Variants in C14orf132 observed in about 807,000 individuals in gnomAD.
C14orf132 encodes the protein uncharacterized protein C14orf132.
In C14orf132, 6 loss-of-function variants were observed where a neutral mutation model predicts 5.8. That is an observed-to-expected ratio of 1.03 (90% CI 0.57 to 2.04). C14orf132 has a LOEUF of 2.04. Ranked by LOEUF, C14orf132 falls within the 30% of genes most tolerant of loss-of-function variation. The probability of loss-of-function intolerance (pLI) is 0.00; values close to 1 mark genes in which losing one functional copy is unlikely to be tolerated. For missense variants in C14orf132, 125 were observed against 115.8 expected, an observed-to-expected ratio of 1.08 and a Z score of -0.37; for synonymous variants, 51 against 49.8, an observed-to-expected ratio of 1.02 and a Z score of -0.10.
intron 1 of C14orf132, among the ~76,000 whole-genome samples, chr14:96,075,374 A>G (rs1278976800): frequency 1.3e-5 from 2 of 152,168 alleles, no homozygotes; most frequent in African/African-American, 4.8e-5. Flanking sequence ...TCTTCTTTAT[A>G]TATAAGGCAT....
At chr14:96,058,158 C>T (rs1042556079) in intron 1 of C14orf132, among the ~76,000 whole-genome samples, 10 of 152,110 alleles carry the variant, frequency 6.6e-5, no homozygotes, top group African/African-American at 2.4e-4. Flanking sequence ...CTCACTTCCT[C>T]AGCTCAGGGT....
intron 1 of C14orf132, among the ~76,000 whole-genome samples, chr14:96,053,334 AG>A (rs2051107818): frequency 1.3e-5 from 2 of 152,200 alleles, no homozygotes; most frequent in Non-Finnish European, 2.9e-5. Flanking sequence ...GCTCTCGCTA[AG>A]GGCACCTTGT....
At chr14:96,050,452 G>A (rs866109890) in intron 1 of C14orf132, among the ~76,000 whole-genome samples, 12 of 152,112 alleles carry the variant, frequency 7.9e-5, no homozygotes, top group Admixed American at 2.0e-4. Context: ...GCCCTATATG[G>A]GTTCCAGGCA....
intron 1 of C14orf132, among the ~76,000 whole-genome samples, chr14:96,076,521 G>A (rs1481293386): frequency 6.6e-6 from 1 of 152,002 alleles, no homozygotes; most frequent in Non-Finnish European, 1.5e-5. Flanking sequence ...TAGATCAGGG[G>A]TGTCCAACAT....
chr14:96,060,781 A>G (rs1259608123), intron 1 of C14orf132, among the ~76,000 whole-genome samples: 1 of 152,192 alleles, frequency 6.6e-6, no homozygotes, highest in African/African-American at 2.4e-5. Context: ...CAAATCCAGC[A>G]AACACATCTG....
chr14:96,049,678 G>T (rs1343661092), intron 1 of C14orf132, among the ~76,000 whole-genome samples: 2 of 117,472 alleles, frequency 1.7e-5, no homozygotes, highest in Non-Finnish European at 3.5e-5. Flanking sequence ...AGAGAGTTCT[G>T]TCTTCTCTCT....
intron 1 of C14orf132, among the ~76,000 whole-genome samples, chr14:96,073,312 T>C (rs1364420626): frequency 1.3e-5 from 2 of 152,224 alleles, no homozygotes; most frequent in Non-Finnish European, 2.9e-5. Flanking sequence ...ATTTAGCTGT[T>C]CAGATCTTTT....
chr14:96,066,689 T>C (rs901807593), intron 1 of C14orf132, among the ~76,000 whole-genome samples: 7 of 152,056 alleles, frequency 4.6e-5, no homozygotes, highest in African/African-American at 1.7e-4. Flanking sequence ...GTGCTCACAG[T>C]CCCTAAGAAA....
At chr14:96,074,940 G>A (rs1333760494) in intron 1 of C14orf132, among the ~76,000 whole-genome samples, 1 of 151,378 alleles carries the variant, frequency 6.6e-6, no homozygotes, top group Admixed American at 6.6e-5. Flanking sequence ...TCAGCTTGTT[G>A]GCATTGACAA....
At chr14:96,064,897 C>T (rs1887484649) in intron 1 of C14orf132, among the ~76,000 whole-genome samples, 1 of 152,172 alleles carries the variant, frequency 6.6e-6, no homozygotes, top group Non-Finnish European at 1.5e-5. Flanking sequence ...TTTGCATTTT[C>T]CATGCTGGGA....
intron 1 of C14orf132, among the ~76,000 whole-genome samples, chr14:96,051,736 G>T (rs370895127): frequency 2.0e-5 from 3 of 152,148 alleles, no homozygotes; most frequent in African/African-American, 7.2e-5. Flanking sequence ...GGTTCCACCC[G>T]GGTCCTGCTG....
Position 96,039,517 on chromosome 14 carries a change from T to C in C14orf132, c.17T>C (p.Met6Thr), listed in dbSNP as rs2139634689. 6.7e-7 allele frequency: 1 copy of C among 1,503,070 alleles called. No individual in the cohort carries two copies. Among genetic ancestry groups the C allele is most frequent in the Non-Finnish European group, 8.9e-7 (1 of 1,129,908 alleles). The allele number at this position is 1,503,070 out of a possible 1,614,324, so 93.1% of individuals were successfully genotyped here. A position where few individuals can be genotyped will look rare whatever the true frequency, so the allele number is the denominator to read the frequency against. MDLSF[M>T]AAQLPMMGGA... ...AGCGACACCATGGATCTCTCCTTTA[T>C]GGCCGCGCAGGTAACGGGGCGTCCC... The change falls in exon 1 of 2, where the codon ATG (methionine) becomes ACG (threonine). Residue 6 changes from methionine to threonine, a missense_variant. Coordinates refer to ENST00000555004, the MANE Select transcript of C14orf132 (RefSeq NM_001252507.3). This position sits in a 1 kb window ranked among gnomAD's most constrained non-coding sequence, Gnocchi z 5.3.
At chr14:96,085,631 G>T (rs1313234584) in intron 1 of C14orf132, among the ~76,000 whole-genome samples, 1 of 152,210 alleles carries the variant, frequency 6.6e-6, no homozygotes, top group African/African-American at 2.4e-5. Context: ...ACCTCTTCTA[G>T]CGTATTTGTT....
rs1306153837 is a variant in C14orf132 at position 96,086,880 on chromosome 14, C to T, written c.*145C>T. 3 of 793,274 alleles carry T rather than the reference C, an allele frequency of 3.8e-6. No individual in the cohort carries two copies. Among genetic ancestry groups the T allele is most frequent in the South Asian group, 1.8e-5 (1 of 55,514 alleles). 49.1% of individuals were successfully genotyped at this position (793,274 alleles called of 1,614,324 possible). A position where few individuals can be genotyped will look rare whatever the true frequency, so the allele number is the denominator to read the frequency against. On this transcript the variant is annotated 3_prime_UTR_variant, in exon 2 of 2. Transcript: ENST00000555004. Reference sequence around the variant, plus strand: ...CTTCTGGAATTTCTCCCCAGCAGCCCTGATTTCAAATATCCCATGTTGTGG... The same window carrying T: ...CTTCTGGAATTTCTCCCCAGCAGCCTTGATTTCAAATATCCCATGTTGTGG...
At chr14:96,053,462 T>C (rs1003698817) in intron 1 of C14orf132, among the ~76,000 whole-genome samples, 11 of 152,206 alleles carry the variant, frequency 7.2e-5, no homozygotes, top group African/African-American at 7.2e-5. Context: ...CCAGTACATG[T>C]TGACTTTGAT....
At chr14:96,040,435 G>A (rs1886660906) in intron 1 of C14orf132, 1 of 395,102 alleles carries the variant, frequency 2.5e-6, no homozygotes. Flanking sequence ...TATGGTGGGA[G>A]CAGAGAGGTC....
intron 1 of C14orf132, among the ~76,000 whole-genome samples, chr14:96,050,649 A>G (rs1383345687): frequency 6.9e-6 from 1 of 144,292 alleles, no homozygotes; most frequent in Non-Finnish European, 1.5e-5. Context: ...CTCTCCTCAG[A>G]CTCTCACTTC....
intron 1 of C14orf132, among the ~76,000 whole-genome samples, chr14:96,041,781 C>T (rs1378745419): frequency 6.6e-6 from 1 of 152,226 alleles, no homozygotes; most frequent in East Asian, 1.9e-4. Flanking sequence ...CAGCAAATGT[C>T]TAGTACCTGC....
chr14:96,077,819 C>A (rs1887920066), intron 1 of C14orf132, among the ~76,000 whole-genome samples: 1 of 152,242 alleles, frequency 6.6e-6, no homozygotes, highest in Admixed American at 6.5e-5. Context: ...CTTGCAGGTG[C>A]ACCCCTCAGG....
Sources: gnomAD v4.1 joint callset for allele counts (sites outside exome capture counted in the v4.1 genomes callset) on GRCh38, gnomAD v4.1.1 for gene constraint, Gnocchi (gnomAD v3.1) non-coding constraint, MANE v1.5 for transcripts, NCBI Gene and HGNC (gene_info 2026-07-23, HGNC 2026-07-21) for gene names.